Variants in PITRM1 observed in about 807,000 individuals in gnomAD.
PITRM1 encodes presequence protease, mitochondrial.
Under a neutral mutation model 129.9 loss-of-function variants are expected in PITRM1, and 100 were observed. The ratio of observed to expected loss-of-function variants is 0.77; its 90% confidence interval spans 0.65 to 0.91. The LOEUF is 0.91. Among genes scored for constraint, PITRM1 ranks in the 40% least tolerant of loss-of-function variants. The pLI is 0.00. For missense variants in PITRM1, 1,471 were observed against 1,318.3 expected (o/e 1.12, Z -1.79); for synonymous variants, 591 against 508.8 (o/e 1.16, Z -2.17).
At position 3,149,694 on chromosome 10, in the gene PITRM1, C is replaced by A; in HGVS notation, c.1798G>T (p.Ala600Ser). 1.2e-6 allele frequency: 2 copies of A among 1,611,164 alleles called. No individual in the cohort carries two copies. Among genetic ancestry groups the A allele is most frequent in the Non-Finnish European group, 1.7e-6 (2 of 1,179,090 alleles). The change falls in exon 16 of 27, where the codon GCC (alanine) becomes TCC (serine). Residue 600 changes from alanine (A) to serine (S), a missense_variant. Coordinates refer to ENST00000224949, the MANE Select transcript of PITRM1 (RefSeq NM_014889.4). ...QPTNGMVYFRAFSSLNTLPEE... is the reference protein window; with the variant it reads ...QPTNGMVYFRSFSSLNTLPEE... ...GGGAGTGTGTTCAGGCTGGAGAAGG[C>A]CCGGAAATACACCATGCCATTGGTG...
intron 14 of PITRM1, among the ~76,000 whole-genome samples, chr10:3,151,908 G>A (rs917653830): frequency 6.6e-6 from 1 of 151,760 alleles, no homozygotes; most frequent in Non-Finnish European, 1.5e-5. Flanking sequence ...GCTGATTTCT[G>A]TTTATTTTTA....
At chr10:3,151,726 A>G (rs190143685) in intron 14 of PITRM1, among the ~76,000 whole-genome samples, 6 of 152,118 alleles carry the variant, frequency 3.9e-5, no homozygotes, top group Admixed American at 3.9e-4. Context: ...AAATTTAGTG[A>G]TCTTTATACT....
At chr10:3,144,805 A>G (rs1461268783) in intron 21 of PITRM1, among the ~76,000 whole-genome samples, 1 of 152,242 alleles carries the variant, frequency 6.6e-6, no homozygotes, top group African/African-American at 2.4e-5. Flanking sequence ...ACCCTGTCTC[A>G]AAATAACAAA....
At position 3,140,629 on chromosome 10, in the gene PITRM1, T is replaced by A. The variant is rs79684912; in HGVS notation, c.2771+58A>T. 2.7e-3 allele frequency: 3,974 copies of A among 1,471,142 alleles called. 107 individuals carry two copies. In the African/African-American group the frequency reaches 0.049, roughly 18 times the overall value. 91.1% of individuals were successfully genotyped at this position (1,471,142 alleles called of 1,614,324 possible). ...TAGAAGAAAATGACACTGATAATCATGAGTAGAAGACTAAAACGACGTGTG... is the reference window on the plus strand; with the variant it reads ...TAGAAGAAAATGACACTGATAATCAAGAGTAGAAGACTAAAACGACGTGTG... On this transcript the variant is annotated intron_variant, in intron 24 of 26. Transcript: ENST00000224949.
rs1840110775 is a variant in PITRM1 at position 3,140,802 on chromosome 10, G to A, written c.2656C>T (p.Leu886Phe). 1 of 1,582,174 alleles carries A rather than the reference G, an allele frequency of 6.3e-7. No homozygotes were observed. The highest frequency in any genetic ancestry group is 1.3e-5 in the African/African-American group (1 of 74,334). Residue 886 changes from leucine to phenylalanine, a missense_variant, in exon 24 of 27, where the codon CTT becomes TTT. By Grantham distance (22) the Leu-to-Phe change is conservative. Coordinates refer to ENST00000224949, the MANE Select transcript of PITRM1 (RefSeq NM_014889.4). ...AATTTGGCAGTCATCAAACGTGCAA[G>A]GATTTTAAGACTGAAATGATTAAAA... is the stretch of plus-strand genomic sequence containing the variant. Reference protein sequence around the residue: ...TDPDHASLKILARLMTAKFLH... With the variant: ...TDPDHASLKIFARLMTAKFLH...
intron 15 of PITRM1, among the ~76,000 whole-genome samples, chr10:3,150,819 A>G (rs1216236447): frequency 6.6e-6 from 1 of 152,184 alleles, no homozygotes; most frequent in Non-Finnish European, 1.5e-5. Context: ...CCTGGTCTCC[A>G]ACTTCCTTTC....
At chr10:3,167,628 A>G (rs1286056646) in intron 2 of PITRM1, among the ~76,000 whole-genome samples, 1 of 152,098 alleles carries the variant, frequency 6.6e-6, no homozygotes, top group Non-Finnish European at 1.5e-5. Flanking sequence ...CGCCCCTTCC[A>G]ATGTCTGCTG....
At chr10:3,172,351 A>C in intron 1 of PITRM1, 1 of 488,664 alleles carries the variant, frequency 2.0e-6, no homozygotes, top group Non-Finnish European at 3.9e-6. Context: ...CGGGTCTCTT[A>C]AGGACTCGGC....
chr10:3,164,785 A>G (rs1367559731), intron 6 of PITRM1, among the ~76,000 whole-genome samples: 1 of 152,228 alleles, frequency 6.6e-6, no homozygotes, highest in Non-Finnish European at 1.5e-5. Flanking sequence ...ATAACAAAGT[A>G]AAAAACTGAT....
chr10:3,138,687 A>C, intron 25 of PITRM1: 3 of 668,798 alleles, frequency 4.5e-6, no homozygotes, highest in Non-Finnish European at 8.2e-6. Flanking sequence ...GGTTGGCCCC[A>C]CTGGGTCTCA....
intron 1 of PITRM1, chr10:3,172,294 C>T: frequency 2.1e-6 from 1 of 485,204 alleles, no homozygotes; most frequent in Non-Finnish European, 4.1e-6. Context: ...CGGGAGGCGT[C>T]AGTTCTCTGA....
chr10:3,172,694 C>T, intron 1 of PITRM1, 23 bp downstream of exon 1: 1 of 1,530,476 alleles, frequency 6.5e-7, no homozygotes, highest in Non-Finnish European at 8.8e-7. Flanking sequence ...GCGCGCCGAG[C>T]GCCTCCCGTC....
chr10:3,158,850 G>T, intron 10 of PITRM1, 64 bp downstream of exon 10: 1 of 1,493,902 alleles, frequency 6.7e-7, no homozygotes, highest in Non-Finnish European at 9.2e-7. Flanking sequence ...AGGGTGCGGA[G>T]GTGGAGGAGC....
intron 9 of PITRM1, among the ~76,000 whole-genome samples, chr10:3,159,458 AC>A (rs1842257843): frequency 1.3e-5 from 2 of 152,198 alleles, no homozygotes; most frequent in Admixed American, 1.3e-4. Flanking sequence ...GTCTCGTGAA[AC>A]CACCGGAATT....
At chr10:3,165,134 C>T (rs1842749813) in intron 6 of PITRM1, 104 bp downstream of exon 6, 3 of 871,494 alleles carry the variant, frequency 3.4e-6, no homozygotes, top group African/African-American at 3.4e-5. Flanking sequence ...AATGTATCAC[C>T]TATAATGAGA....
At chr10:3,156,810 G>T in intron 13 of PITRM1, 120 bp downstream of exon 13, 1 of 620,166 alleles carries the variant, frequency 1.6e-6, no homozygotes, top group Middle Eastern at 4.7e-4. Context: ...TTTTTAATTA[G>T]AAATTAAGTC....
chr10:3,166,659 T>C (rs1842891176), intron 3 of PITRM1, among the ~76,000 whole-genome samples: 1 of 152,254 alleles, frequency 6.6e-6, no homozygotes. Flanking sequence ...TGTATAGCCA[T>C]GTTTTAAATC....
chr10:3,171,147 TAAAAAAAAAAAAAAAAAAAAAAA>T (rs1169315061), intron 1 of PITRM1, among the ~76,000 whole-genome samples: 4 of 49,172 alleles, frequency 8.1e-5, no homozygotes, highest in Admixed American at 6.0e-4. Context: ...ATCGTTCAAT[TAAAAAAAAAAAAAAAAAAAAAAA>T]AAAAAAAAAA....
At chr10:3,167,154 C>T (rs991754920) in intron 2 of PITRM1, 112 bp from the exon 3 acceptor site, 25 of 632,316 alleles carry the variant, frequency 4.0e-5, no homozygotes, top group Admixed American at 2.7e-5. Context: ...TAGATGATGC[C>T]GGGAAGGCAG....
Sources: allele counts gnomAD v4.1 joint callset (sites outside exome capture counted in the v4.1 genomes callset), GRCh38; gene constraint gnomAD v4.1.1; transcripts MANE v1.5; gene names NCBI Gene and HGNC (gene_info 2026-07-23, HGNC 2026-07-21).